DCLK1: variants seen among roughly 807,000 people sequenced by gnomAD.
DCLK1 encodes serine/threonine-protein kinase DCLK1.
DCLK1 carries 16 observed loss-of-function variants against 86.2 expected under a neutral mutation model. The ratio of observed to expected loss-of-function variants is 0.19; its 90% CI spans 0.13 to 0.28. The LOEUF (loss-of-function observed/expected upper bound fraction) is 0.28, where lower values mean the gene tolerates loss of function less well. Ranked by LOEUF, DCLK1 falls within the 10% of genes least tolerant of loss-of-function variation. The pLI is 1.00. For synonymous variants in DCLK1, 369 were observed against 370.5 expected, an observed-to-expected ratio of 1.00 and a Z score of 0.05; for missense variants, 590 against 940.2, an observed-to-expected ratio of 0.63 and a Z score of 4.87.
In DCLK1 at chr13:35,808,254, T is replaced by C; in HGVS notation, c.1833A>G (p.Pro611=). 6.2e-7 allele frequency: 1 copy of C among 1,614,054 alleles called. No homozygotes were observed. Among genetic ancestry groups the C allele is most frequent in the East Asian group, 2.2e-5 (1 of 44,874 alleles). ...ILMGQVDFPS[P]YWDNVSDSAK... is the part of the protein sequence containing the mutation. ...CAGAATCGGAAACATTATCCCAGTATGGAGAAGGAAAGTCCACCTGCCCCA... is the reference window on the plus strand; with the variant it reads ...CAGAATCGGAAACATTATCCCAGTACGGAGAAGGAAAGTCCACCTGCCCCA... Residue 611 remains proline, a synonymous_variant, in exon 14 of 17, where the codon CCA becomes CCG. Transcript: ENST00000360631.
At chr13:36,047,274 G>C (rs1290264834) in intron 3 of DCLK1, among the ~76,000 whole-genome samples, 2 of 152,114 alleles carry the variant, frequency 1.3e-5, no homozygotes, top group Non-Finnish European at 2.9e-5. Context: ...CAGTATGGAG[G>C]TTCCTCAAAA....
chr13:35,816,300 T>A (rs2087264494), intron 11 of DCLK1, among the ~76,000 whole-genome samples: 1 of 152,178 alleles, frequency 6.6e-6, no homozygotes, highest in African/African-American at 2.4e-5. Flanking sequence ...TAAACACTGT[T>A]CATATTTTGG....
At chr13:36,120,770 A>G (rs1445394517) in intron 2 of DCLK1, among the ~76,000 whole-genome samples, 1 of 95,090 alleles carries the variant, frequency 1.1e-5, no homozygotes, top group East Asian at 7.6e-4. Flanking sequence ...TGAAAAGATG[A>G]AAATTATGTG....
intron 3 of DCLK1, among the ~76,000 whole-genome samples, chr13:36,010,326 AG>A (rs1215101571): frequency 4.4e-5 from 5 of 113,150 alleles, no homozygotes; most frequent in Non-Finnish European, 8.9e-5. Flanking sequence ...GAATGCTTCC[AG>A]TTTTTGCCCA....
intron 5 of DCLK1, among the ~76,000 whole-genome samples, chr13:35,857,028 C>A (rs1181076674): frequency 1.3e-5 from 2 of 152,092 alleles, no homozygotes; most frequent in African/African-American, 4.8e-5. Flanking sequence ...TACAGGTAAA[C>A]CAGAGAACTA....
chr13:36,084,905 G>A (rs1219475009), intron 3 of DCLK1, among the ~76,000 whole-genome samples: 1 of 151,996 alleles, frequency 6.6e-6, no homozygotes, highest in Non-Finnish European at 1.5e-5. Flanking sequence ...AATATCATGT[G>A]GTTATATAAA....
intron 6 of DCLK1, among the ~76,000 whole-genome samples, chr13:35,843,404 T>C (rs78136037): frequency 0.023 from 3,574 of 152,238 alleles, 153 homozygotes; most frequent in African/African-American, 0.079. Flanking sequence ...TAAGAACACA[T>C]CCTAAGTGTA....
intron 6 of DCLK1, among the ~76,000 whole-genome samples, chr13:35,840,824 T>A (rs1181330443): frequency 6.6e-6 from 1 of 152,210 alleles, no homozygotes; most frequent in Admixed American, 6.5e-5. Flanking sequence ...TCTGCTGACT[T>A]TTATGGATGG....
chr13:35,849,340 T>C lies in DCLK1; in HGVS notation c.1035+5159A>G, dbSNP rs971213233. 12 of 984,938 alleles carry C rather than the reference T, an allele frequency of 1.2e-5. No individual in the cohort carries two copies. The African/African-American group carries it at 2.1e-4, about 17-fold the overall frequency. 61.0% of individuals were successfully genotyped at this position (984,938 alleles called of 1,614,324 possible). A position where few individuals can be genotyped will look rare whatever the true frequency, so the allele number is the denominator to read the frequency against. On this transcript the variant is annotated intron_variant, in intron 6 of 16. Transcript: ENST00000360631. Reference sequence around the variant, plus strand: ...CCATCTTGAATAAAACATTTAAAAATTGTTTTCAAGTAAAATTTGAAAAAA... The same window carrying C: ...CCATCTTGAATAAAACATTTAAAAACTGTTTTCAAGTAAAATTTGAAAAAA...
At chr13:36,013,934 G>A (rs1881414200) in intron 3 of DCLK1, among the ~76,000 whole-genome samples, 2 of 152,188 alleles carry the variant, frequency 1.3e-5, no homozygotes, top group Non-Finnish European at 1.5e-5. Context: ...CTCGTGGTGC[G>A]CTGTTTTTTA....
At chr13:35,937,293 T>C (rs1876819320) in intron 4 of DCLK1, among the ~76,000 whole-genome samples, 1 of 152,134 alleles carries the variant, frequency 6.6e-6, no homozygotes, top group Non-Finnish European at 1.5e-5. Context: ...AGCTTTAAAA[T>C]CACAGTTCTT....
At chr13:35,901,784 T>C (rs1874382128) in intron 4 of DCLK1, among the ~76,000 whole-genome samples, 2 of 152,082 alleles carry the variant, frequency 1.3e-5, no homozygotes, top group Non-Finnish European at 1.5e-5. Flanking sequence ...CAGAAGATAC[T>C]GAACACCAAG....
chr13:35,816,009 G>A (rs1479037640), intron 11 of DCLK1, among the ~76,000 whole-genome samples: 3 of 152,100 alleles, frequency 2.0e-5, no homozygotes, highest in Non-Finnish European at 4.4e-5. Flanking sequence ...GAAACTCCAG[G>A]AAACCTGATT....
At chr13:36,023,787 A>G (rs1366888403) in intron 3 of DCLK1, among the ~76,000 whole-genome samples, 1 of 152,120 alleles carries the variant, frequency 6.6e-6, no homozygotes, top group African/African-American at 2.4e-5. Context: ...ATAAAACAGC[A>G]TCCACAAAAA....
In DCLK1 at chr13:35,846,298, C is replaced by A. The variant is rs1312202164; in HGVS notation, c.1036-7122G>T. ...GTAAAGAGTTCTTAGAAAAAATAAA[C>A]TCAATTCCTTGCTTACTGATGAGTA... is the stretch of plus-strand genomic sequence containing the variant. On this transcript the variant is annotated intron_variant, in intron 6 of 16. Transcript: ENST00000360631. 2.8e-5 allele frequency: 28 copies of A among 985,202 alleles called. No individual in the cohort carries two copies. The East Asian group carries it at 7.9e-4, about 28-fold the overall frequency. The allele number at this position is 985,202 out of a possible 1,614,324, so 61.0% of individuals were successfully genotyped here.
chr13:35,881,686 CT>C (rs1215049915), intron 4 of DCLK1, among the ~76,000 whole-genome samples: 1 of 152,042 alleles, frequency 6.6e-6, no homozygotes, highest in African/African-American at 2.4e-5. Context: ...ACATTTATTC[CT>C]TGTGACACCT....
At chr13:35,828,402 G>T in intron 8 of DCLK1, 95 bp from the exon 9 acceptor site, 1 of 930,610 alleles carries the variant, frequency 1.1e-6, no homozygotes, top group Non-Finnish European at 1.6e-6. Context: ...CATAGATCTT[G>T]CATCATGTTG....
intron 3 of DCLK1, among the ~76,000 whole-genome samples, chr13:35,966,283 T>C (rs1241939059): frequency 6.6e-6 from 1 of 152,222 alleles, no homozygotes; most frequent in Non-Finnish European, 1.5e-5. Context: ...ATTCCACTTC[T>C]GGGTATATGC....
At chr13:36,064,750 A>G (rs553532981) in intron 3 of DCLK1, among the ~76,000 whole-genome samples, 1 of 152,164 alleles carries the variant, frequency 6.6e-6, no homozygotes, top group South Asian at 2.1e-4. Context: ...TACAAAAAAA[A>G]AAAGAAGAAG....
Sources: allele counts gnomAD v4.1 joint callset (sites outside exome capture counted in the v4.1 genomes callset), GRCh38; gene constraint gnomAD v4.1.1; transcripts MANE v1.5; gene names NCBI Gene and HGNC (gene_info 2026-07-23, HGNC 2026-07-21).